ABCB11: variants seen among roughly 807,000 people sequenced by gnomAD.
ABCB11 encodes the protein bile salt export pump.
Under a neutral mutation model 148.0 loss-of-function variants are expected in ABCB11, and 95 were observed. The ratio of observed to expected loss-of-function variants is 0.64; its 90% CI spans 0.54 to 0.76. The LOEUF (loss-of-function observed/expected upper bound fraction) is 0.76, where lower values mean the gene tolerates loss of function less well. Ranked by LOEUF, ABCB11 falls within the 30% of genes least tolerant of loss-of-function variation. The pLI is 0.00. For missense variants in ABCB11, 1,523 were observed against 1,617.8 expected (o/e 0.94, Z 1.01); for synonymous variants, 591 against 555.4 (o/e 1.06, Z -0.90).
chr2:168,989,603 GTTC>G (rs1011790706), intron 9 of ABCB11, among the ~76,000 whole-genome samples: 1 of 152,016 alleles, frequency 6.6e-6, no homozygotes, highest in Non-Finnish European at 1.5e-5. Flanking sequence ...CTCCAGCTTT[GTTC>G]TTCTTGTTCA....
At position 168,930,759 on chromosome 2, in the gene ABCB11, C is replaced by T. The variant is rs747920364; in HGVS notation, c.3317G>A (p.Gly1106Glu). The T allele has an allele frequency of 6.2e-7, 1 of 1,613,750 alleles. No individual in the cohort carries two copies. Among genetic ancestry groups the T allele is most frequent in the Non-Finnish European group, 8.5e-7 (1 of 1,179,744 alleles). Residue 1106 changes from glycine (G) to glutamate (E), a missense_variant, in exon 25 of 28, where the codon GGG becomes GAG. Transcript: ENST00000650372. ...LNGLSVSISP[G>E]QTLAFVGSSG... ...GCTCCCAACAAACGCCAGTGTCTGC[C>T]CTGGACTAATCGACACTGAGAGACC...
chr2:168,960,201 T>TA (rs1693007833), intron 18 of ABCB11, among the ~76,000 whole-genome samples: 2 of 151,720 alleles, frequency 1.3e-5, no homozygotes, highest in South Asian at 4.1e-4. Flanking sequence ...ATCTCTGTCT[T>TA]AAAAAATACT....
chr2:168,924,678 G>A lies in ABCB11; in HGVS notation c.3744C>T (p.Ala1248=). The A allele has an allele frequency of 6.2e-7, 1 of 1,612,826 alleles. No homozygotes were observed. Among genetic ancestry groups the A allele is most frequent in the Non-Finnish European group, 8.5e-7 (1 of 1,179,652 alleles). ...KILLLDEATS[A]LDTESEKTVQ... is the part of the protein sequence containing the mutation. ...TTACCTTTTCACTTTCTGTGTCTAA[G>A]GCAGAAGTGGCTTCATCTAGTAGCA... The change falls in exon 27 of 28, where the codon GCC becomes GCT. Residue 1248 remains alanine, a synonymous_variant. Coordinates refer to ENST00000650372, the MANE Select transcript of ABCB11 (RefSeq NM_003742.4).
downstream of ABCB11, among the ~76,000 whole-genome samples, chr2:168,915,879 G>A (rs1013852668): frequency 6.6e-6 from 1 of 152,170 alleles, no homozygotes; most frequent in African/African-American, 2.4e-5. Flanking sequence ...ATAGAGGAAA[G>A]CAAAAGAAAA....
chr2:168,958,773 G>GT (rs1692917063), intron 18 of ABCB11, among the ~76,000 whole-genome samples: 1 of 151,618 alleles, frequency 6.6e-6, no homozygotes, highest in South Asian at 2.1e-4. Flanking sequence ...AGAGCTAGCA[G>GT]TTTTTTATCT....
chr2:168,976,583 C>A lies in ABCB11; in HGVS notation c.1302G>T (p.Glu434Asp). ...GGAACAGACCAGCACTCACCTTCAC[C>A]TCTGGTCTGGAAGGATAATGGAAGG... ...NVTFHYPSRP[E>D]VKILNDLNMV... Residue 434 changes from glutamate (E) to aspartate (D), a missense_variant, in exon 12 of 28, where the codon GAG becomes GAT. Coordinates refer to ENST00000650372, the MANE Select transcript of ABCB11 (RefSeq NM_003742.4). 1 of 1,579,712 alleles carries A rather than the reference C, an allele frequency of 6.3e-7. No homozygotes were observed. Among genetic ancestry groups the A allele is most frequent in the Non-Finnish European group, 8.7e-7 (1 of 1,152,646 alleles).
At chr2:168,960,703 C>G (rs1015318623) in intron 18 of ABCB11, among the ~76,000 whole-genome samples, 3 of 151,526 alleles carry the variant, frequency 2.0e-5, no homozygotes, top group African/African-American at 4.8e-5. Context: ...GATGCAAAAA[C>G]TAGAAAATCT....
In ABCB11 at chr2:168,928,062, G is replaced by A. The variant is rs182043119; in HGVS notation, c.3412-700C>T. On this transcript the variant is annotated intron_variant, in intron 25 of 27. Transcript: ENST00000650372. ...AATATTAAAGGCACAGATGCCTAACGTGCTACTATAAAGTATTTGGCCCTA... is the reference window on the plus strand; with the variant it reads ...AATATTAAAGGCACAGATGCCTAACATGCTACTATAAAGTATTTGGCCCTA... Among the ~76,000 whole-genome samples the A allele has an allele frequency of 1.8e-3, 276 of 152,214 alleles. 3 individuals are homozygous for A. Among genetic ancestry groups the A allele is most frequent in the East Asian group, 7.7e-4 (4 of 5,186 alleles).
chr2:168,954,934 C>T (rs571860036), intron 19 of ABCB11, among the ~76,000 whole-genome samples: 4 of 151,698 alleles, frequency 2.6e-5, no homozygotes, highest in Admixed American at 2.0e-4. Context: ...AGGCTTTGTT[C>T]ATTCTTTTTA....
chr2:169,002,762 G>A (rs1161404272), intron 5 of ABCB11, among the ~76,000 whole-genome samples: 1 of 152,044 alleles, frequency 6.6e-6, no homozygotes, highest in Non-Finnish European at 1.5e-5. Flanking sequence ...TAAAATGGTA[G>A]TTACTAAGGG....
chr2:168,971,746 A>T (rs1486780203), intron 14 of ABCB11, 101 bp downstream of exon 14: 76 of 1,117,244 alleles, frequency 6.8e-5, no homozygotes, highest in Non-Finnish European at 9.4e-5. Context: ...TTAAGAATTT[A>T]ATGACTTGGG....
intron 21 of ABCB11, among the ~76,000 whole-genome samples, chr2:168,938,909 T>C (rs995332187): frequency 6.6e-6 from 1 of 152,006 alleles, no homozygotes; most frequent in African/African-American, 2.4e-5. Context: ...ACATATATTT[T>C]AATTTTTTTC....
intron 25 of ABCB11, among the ~76,000 whole-genome samples, chr2:168,927,993 A>G (rs1400278986): frequency 1.3e-5 from 2 of 152,222 alleles, no homozygotes; most frequent in Non-Finnish European, 2.9e-5. Flanking sequence ...AAGTCCAGGT[A>G]CTTGAATATC....
chr2:169,002,955 A>T lies in ABCB11; in HGVS notation c.390-6233T>A, dbSNP rs899433917. 3.9e-5 allele frequency among the ~76,000 whole-genome samples: 6 copies of T among 152,140 alleles called. No homozygotes were observed. The South Asian group carries it at 8.3e-4, about 21-fold the overall frequency. On this transcript the variant is annotated intron_variant, in intron 5 of 27. Coordinates refer to ENST00000650372, the MANE Select transcript of ABCB11 (RefSeq NM_003742.4). ...ATGTACATTTTATTATTTTTAAAAA[A>T]TTTTAATTTTTATTTCAATAGGTTT...
chr2:168,992,967 C>T (rs571405403), intron 8 of ABCB11, among the ~76,000 whole-genome samples: 2 of 151,978 alleles, frequency 1.3e-5, no homozygotes, highest in Non-Finnish European at 2.9e-5. Flanking sequence ...AACGTGCTAT[C>T]TAATGTGGCT....
downstream of ABCB11, among the ~76,000 whole-genome samples, chr2:168,918,686 C>T (rs1026003023): frequency 2.6e-5 from 4 of 152,132 alleles, no homozygotes; most frequent in South Asian, 2.1e-4. Context: ...TTTACCCCAT[C>T]GTCTTATTTA....
At chr2:169,025,394 C>G (rs949508360) in intron 1 of ABCB11, among the ~76,000 whole-genome samples, 2 of 152,160 alleles carry the variant, frequency 1.3e-5, no homozygotes, top group African/African-American at 2.4e-5. Context: ...CCTTGCAGGA[C>G]TGGTGTGAAG....
At chr2:169,027,792 T>C (rs942092141) in intron 1 of ABCB11, among the ~76,000 whole-genome samples, 7 of 152,174 alleles carry the variant, frequency 4.6e-5, no homozygotes, top group African/African-American at 1.4e-4. Context: ...ACAGCAAGGC[T>C]GCTAGTGTGA....
chr2:169,030,383 G>A (rs937302605), intron 1 of ABCB11, among the ~76,000 whole-genome samples: 1 of 152,112 alleles, frequency 6.6e-6, no homozygotes, highest in African/African-American at 2.4e-5. Flanking sequence ...GTGAGGGGAC[G>A]AGGTTGCCCA....
Sources: gnomAD v4.1 joint callset for allele counts (sites outside exome capture counted in the v4.1 genomes callset) on GRCh38, gnomAD v4.1.1 for gene constraint, MANE v1.5 for transcripts, NCBI Gene and HGNC (gene_info 2026-07-23, HGNC 2026-07-21) for gene names.